Variants in NUDT6 observed in about 807,000 individuals in gnomAD.
NUDT6 encodes nudix hydrolase 6.
Under a neutral mutation model 36.8 loss-of-function variants are expected in NUDT6, and 24 were observed. The ratio of observed to expected loss-of-function variants is 0.65; its 90% CI spans 0.47 to 0.92. The LOEUF (loss-of-function observed/expected upper bound fraction) is 0.92. Ranked by LOEUF, NUDT6 falls within the 40% of genes least tolerant of loss-of-function variation. The probability of loss-of-function intolerance (pLI) is 0.00; values close to 1 mark genes in which losing one functional copy is unlikely to be tolerated. For missense variants in NUDT6, 388 were observed against 392.8 expected (o/e 0.99, Z 0.10); for synonymous variants, 163 against 157.0 (o/e 1.04, Z -0.29).
At chr4:122,910,165 A>T (rs780558485) in intron 3 of NUDT6, among the ~76,000 whole-genome samples, 8 of 152,212 alleles carry the variant, frequency 5.3e-5, no homozygotes, top group Admixed American at 1.3e-4. Context: ...CTGTTTTAAA[A>T]ATATAGCCCA....
rs758356135 is a variant in NUDT6 at position 122,917,523 on chromosome 4, A to G, written c.420T>C (p.Ala140=). 45 of 1,614,050 alleles carry G rather than the reference A, an allele frequency of 2.8e-5. No homozygotes were observed. Among genetic ancestry groups the G allele is most frequent in the Non-Finnish European group, 3.8e-5 (45 of 1,180,022 alleles). ...REGPSRLPGY[A]SHQVGVAGAV... is the part of the protein sequence containing the mutation. Reference sequence around the variant, plus strand: ...GACCTGCAACTCCTACTTGATGTGAAGCATATCCTGGTAATCTGCTGGGCC... The same window carrying G: ...GACCTGCAACTCCTACTTGATGTGAGGCATATCCTGGTAATCTGCTGGGCC... The change falls in exon 2 of 5, where the codon GCT becomes GCC. Residue 140 remains alanine, a synonymous_variant. Transcript: ENST00000304430.
chr4:122,900,580 A>G (rs1727502003), intron 3 of NUDT6, among the ~76,000 whole-genome samples: 1 of 151,686 alleles, frequency 6.6e-6, no homozygotes, highest in African/African-American at 2.4e-5. Context: ...CTAGTATGTG[A>G]TAAACTCAGT....
chr4:122,903,329 A>G lies in NUDT6; in HGVS notation c.499-5651T>C, dbSNP rs565534010. Among the ~76,000 whole-genome samples, 10 of 152,316 alleles carry G rather than the reference A, an allele frequency of 6.6e-5. No homozygotes were observed. In the South Asian group the frequency reaches 2.1e-3, roughly 32 times the overall value. On this transcript the variant is annotated intron_variant, in intron 3 of 4. Coordinates refer to ENST00000304430, the MANE Select transcript of NUDT6 (RefSeq NM_007083.5). Reference sequence around the variant, plus strand: ...CTAAAAGTGTAGGGTGAACATGACTAGATTCTGAAAAGCATCACTTTCTTG... The same window carrying G: ...CTAAAAGTGTAGGGTGAACATGACTGGATTCTGAAAAGCATCACTTTCTTG...
In NUDT6 at chr4:122,917,516, G is replaced by C. The variant is rs1472850469; in HGVS notation, c.427C>G (p.Gln143Glu). 2 of 1,613,872 alleles carry C rather than the reference G, an allele frequency of 1.2e-6. No individual in the cohort carries two copies. Among genetic ancestry groups the C allele is most frequent in the East Asian group, 2.2e-5 (1 of 44,902 alleles). The change falls in exon 2 of 5, where the codon CAA becomes GAA. Residue 143 changes from glutamine to glutamate, a missense_variant. By Grantham distance (29) the Gln-to-Glu change is conservative. Coordinates refer to ENST00000304430, the MANE Select transcript of NUDT6 (RefSeq NM_007083.5). ...PSRLPGYASH[Q>E]VGVAGAVFDE... ...TGAAACTGACCTGCAACTCCTACTT[G>C]ATGTGAAGCATATCCTGGTAATCTG...
chr4:122,917,658 C>T lies in NUDT6; in HGVS notation c.285G>A (p.Leu95=). ...WRSEGRTAVW[L]HIPILQSRFI... ...ATCGGCTTTGGAGGATGGGAATGTG[C>T]AGCCATACAGCTGTTCTACCTTCTG... The change falls in exon 2 of 5, where the codon CTG becomes CTA. Residue 95 remains leucine, a synonymous_variant. Transcript: ENST00000304430. 1 of 1,614,192 alleles carries T rather than the reference C, an allele frequency of 6.2e-7. No homozygotes were observed. The highest frequency in any genetic ancestry group is 1.1e-5 in the South Asian group (1 of 91,086).
At chr4:122,921,194 G>A (rs1000876044) in intron 1 of NUDT6, 1 of 152,298 alleles carries the variant, frequency 6.6e-6, no homozygotes, top group African/African-American at 2.4e-5. Context: ...TAAAAGAAGC[G>A]TTATTCTAAA....
chr4:122,897,576 A>T, intron 4 of NUDT6, 48 bp downstream of exon 4: 1 of 1,286,864 alleles, frequency 7.8e-7, no homozygotes, highest in Non-Finnish European at 1.1e-6. Context: ...TAAACACATT[A>T]ATTTCCTCAA....
chr4:122,909,804 G>C (rs1224594194), intron 3 of NUDT6, among the ~76,000 whole-genome samples: 1 of 152,164 alleles, frequency 6.6e-6, no homozygotes, highest in Non-Finnish European at 1.5e-5. Context: ...GAAACTCAGA[G>C]TGGAAAAAGG....
intron 3 of NUDT6, chr4:122,898,012 G>C (rs776563923): frequency 9.2e-6 from 2 of 218,276 alleles, no homozygotes; most frequent in Non-Finnish European, 1.8e-5. Context: ...AGTTAACTAT[G>C]AACAGATAGA....
At chr4:122,918,447 G>C (rs1727897415) in intron 1 of NUDT6, 1 of 152,088 alleles carries the variant, frequency 6.6e-6, no homozygotes, top group African/African-American at 2.4e-5. Context: ...AACCATGAAA[G>C]GTATTACTAC....
At chr4:122,914,077 T>C (rs1307797082) in intron 2 of NUDT6, among the ~76,000 whole-genome samples, 1 of 152,120 alleles carries the variant, frequency 6.6e-6, no homozygotes, top group East Asian at 1.9e-4. Flanking sequence ...TCCCTATCCT[T>C]ATGGGGTTCA....
chr4:122,912,107 T>TC (rs1560772526), intron 3 of NUDT6, among the ~76,000 whole-genome samples: 1 of 152,192 alleles, frequency 6.6e-6, no homozygotes, highest in Admixed American at 6.5e-5. Flanking sequence ...CTTTGAGAAG[T>TC]CTTTGGGGAC....
chr4:122,917,628 A>G lies in NUDT6; in HGVS notation c.315T>C (p.Ile105=). 6.2e-7 allele frequency: 1 copy of G among 1,614,220 alleles called. No homozygotes were observed. Among genetic ancestry groups the G allele is most frequent in the Non-Finnish European group, 8.5e-7 (1 of 1,180,034 alleles). The change falls in exon 2 of 5, where the codon ATT becomes ATC. Residue 105 remains isoleucine (I), a synonymous_variant. Coordinates refer to ENST00000304430, the MANE Select transcript of NUDT6 (RefSeq NM_007083.5). Reference sequence around the variant, plus strand: ...AGAAGCCCAGGGAAGCAGCAGGGGCAATAAATCGGCTTTGGAGGATGGGAA... The same window carrying G: ...AGAAGCCCAGGGAAGCAGCAGGGGCGATAAATCGGCTTTGGAGGATGGGAA... ...LHIPILQSRF[I]APAASLGFCF... is the part of the protein sequence containing the mutation.
At chr4:122,905,915 T>C (rs1251128046) in intron 3 of NUDT6, among the ~76,000 whole-genome samples, 1 of 152,218 alleles carries the variant, frequency 6.6e-6, no homozygotes, top group East Asian at 1.9e-4. Flanking sequence ...TTAAGTACAC[T>C]GTCCTAATAT....
At chr4:122,909,646 TTA>T (rs1309098510) in intron 3 of NUDT6, among the ~76,000 whole-genome samples, 2 of 152,180 alleles carry the variant, frequency 1.3e-5, no homozygotes, top group African/African-American at 4.8e-5. Flanking sequence ...TACTACCACT[TTA>T]TTAAGGTTTT....
intron 3 of NUDT6, among the ~76,000 whole-genome samples, chr4:122,910,236 T>C (rs146057362): frequency 0.01 from 1,531 of 152,302 alleles, 37 homozygotes; most frequent in African/African-American, 0.035. Context: ...GAGTTTGATT[T>C]CTGTAAGCTG....
chr4:122,922,773 G>A (rs58136257), upstream of NUDT6: 9,099 of 586,484 alleles, frequency 0.016, 607 homozygotes, highest in African/African-American at 0.15. Flanking sequence ...GTTAAGCGGG[G>A]AAAACCTCCT....
Position 122,892,874 on chromosome 4 carries a change from T to C in NUDT6, c.905A>G (p.His302Arg), listed in dbSNP as rs1208516087. Residue 302 changes from histidine (H) to arginine (R), a missense_variant, in exon 5 of 5, where the codon CAT becomes CGT. Coordinates refer to ENST00000304430, the MANE Select transcript of NUDT6 (RefSeq NM_007083.5). ...VYTGLFYKLY[H>R]KELPENYKTM... ...TTTATAATTCTCTGGCAGTTCCTTA[T>C]GATAGAGTTTATAAAACAGTCCTGT... 2 of 1,612,028 alleles carry C rather than the reference T, an allele frequency of 1.2e-6. No individual in the cohort carries two copies. Among genetic ancestry groups the C allele is most frequent in the Non-Finnish European group, 1.7e-6 (2 of 1,178,596 alleles).
intron 4 of NUDT6, 151 bp downstream of exon 4, chr4:122,897,473 A>G (rs905494591): frequency 1.2e-5 from 8 of 658,614 alleles, no homozygotes; most frequent in African/African-American, 7.4e-5. Context: ...GCTGCTAATT[A>G]TATCAGCTCT....
Sources: gnomAD v4.1 joint callset for allele counts (sites outside exome capture counted in the v4.1 genomes callset) on GRCh38, gnomAD v4.1.1 for gene constraint, MANE v1.5 for transcripts, NCBI Gene and HGNC (gene_info 2026-07-23, HGNC 2026-07-21) for gene names.